NBAS: variants seen among roughly 807,000 people sequenced by gnomAD.
NBAS encodes the protein NBAS subunit of NRZ tethering complex.
NBAS carries 219 observed loss-of-function variants against 302.5 expected under a neutral mutation model. The ratio of observed to expected loss-of-function variants is 0.72; its 90% CI spans 0.65 to 0.81. NBAS has a LOEUF of 0.81. NBAS is among the 30% of genes least tolerant of loss of function. The pLI is 0.00. For synonymous variants in NBAS, 1,118 were observed against 1,021.6 expected (o/e 1.09, Z -1.80); for missense variants, 2,932 against 2,841.6 (o/e 1.03, Z -0.72).
intron 51 of NBAS, among the ~76,000 whole-genome samples, chr2:15,172,691 T>C (rs1664351515): frequency 6.6e-6 from 1 of 152,214 alleles, no homozygotes; most frequent in Admixed American, 6.5e-5. Flanking sequence ...TTAAGGGGCA[T>C]GAGAAAGAAA....
At chr2:15,056,822 CTTTTTTTTTTCT>C in the NBAS span, among the ~76,000 whole-genome samples, 6 of 138,254 alleles carry the variant, frequency 4.3e-5, no homozygotes, top group Admixed American at 1.5e-4. Flanking sequence ...TTTCCCTTTT[CTTTTTTTTTTCT>C]TTTTTTTTTT....
chr2:15,388,775 G>A (rs1420592237), intron 28 of NBAS, among the ~76,000 whole-genome samples: 3 of 152,158 alleles, frequency 2.0e-5, no homozygotes, highest in Non-Finnish European at 2.9e-5. Context: ...AATGAGTTAC[G>A]TTCACAAAAT....
chr2:15,138,412 G>A, the NBAS span, among the ~76,000 whole-genome samples: 2 of 152,156 alleles, frequency 1.3e-5, no homozygotes. Flanking sequence ...TTTAAGCAGA[G>A]AGGTCATGTC....
At chr2:15,105,022 A>G in the NBAS span, among the ~76,000 whole-genome samples, 7 of 152,206 alleles carry the variant, frequency 4.6e-5, no homozygotes, top group Non-Finnish European at 8.8e-5. Context: ...TCCATCAATG[A>G]CAGACTGGAT....
At chr2:15,336,631 G>A (rs745879198) in intron 35 of NBAS, among the ~76,000 whole-genome samples, 7 of 152,092 alleles carry the variant, frequency 4.6e-5, no homozygotes, top group Non-Finnish European at 1.0e-4. Context: ...TCCGGAGCCT[G>A]AAGCAGGAGA....
intron 19 of NBAS, among the ~76,000 whole-genome samples, chr2:15,462,587 A>T (rs1679551660): frequency 1.3e-5 from 2 of 150,738 alleles, no homozygotes; most frequent in Non-Finnish European, 3.0e-5. Flanking sequence ...ATTTGCTGAG[A>T]CAGGAAAGAG....
the NBAS span, among the ~76,000 whole-genome samples, chr2:15,122,134 G>GT: frequency 0.15 from 21,746 of 145,000 alleles, 3,008 homozygotes; most frequent in African/African-American, 0.35. Context: ...CCGTTAGCCT[G>GT]TTTTTTTTTT....
At chr2:15,415,503 G>A in intron 25 of NBAS, 43 bp downstream of exon 25, 2 of 1,558,560 alleles carry the variant, frequency 1.3e-6, no homozygotes, top group Middle Eastern at 3.5e-4. Flanking sequence ...AATACTGTAG[G>A]GGAAAAAGTG....
the NBAS span, among the ~76,000 whole-genome samples, chr2:14,780,448 T>G: frequency 6.6e-6 from 1 of 152,228 alleles, no homozygotes; most frequent in Non-Finnish European, 1.5e-5. Flanking sequence ...AAATTAGGCC[T>G]TCATTTGATT....
the NBAS span, among the ~76,000 whole-genome samples, chr2:14,792,997 A>G: frequency 6.6e-6 from 1 of 152,078 alleles, no homozygotes; most frequent in Non-Finnish European, 1.5e-5. Flanking sequence ...TAGGGCCTTG[A>G]TCTGATAATA....
the NBAS span, among the ~76,000 whole-genome samples, chr2:15,068,722 T>C: frequency 4.5e-3 from 684 of 152,320 alleles, 8 homozygotes; most frequent in Non-Finnish European, 3.7e-3. Context: ...GGCAGCACCA[T>C]CCAAAAACCA....
At chr2:15,041,755 A>G in the NBAS span, among the ~76,000 whole-genome samples, 1 of 152,250 alleles carries the variant, frequency 6.6e-6, no homozygotes, top group African/African-American at 2.4e-5. Flanking sequence ...GCTTGTTTCC[A>G]TAGCATCTGG....
chr2:15,306,253 A>G (rs1236629540), intron 40 of NBAS, among the ~76,000 whole-genome samples: 1 of 152,214 alleles, frequency 6.6e-6, no homozygotes, highest in African/African-American at 2.4e-5. Context: ...AAGTTATATA[A>G]AATAAGTATC....
At chr2:14,984,883 A>G in the NBAS span, among the ~76,000 whole-genome samples, 4 of 152,172 alleles carry the variant, frequency 2.6e-5, no homozygotes, top group Non-Finnish European at 5.9e-5. Flanking sequence ...AGCCTGTGAG[A>G]TGCCTCAGAG....
chr2:15,149,801 T>C, the NBAS span, among the ~76,000 whole-genome samples: 1 of 152,210 alleles, frequency 6.6e-6, no homozygotes, highest in African/African-American at 2.4e-5. Context: ...CTCTTGATTT[T>C]TGACAAACTT....
the NBAS span, among the ~76,000 whole-genome samples, chr2:14,801,555 T>C: frequency 6.6e-6 from 1 of 152,174 alleles, no homozygotes. Flanking sequence ...TTCCTTTGGC[T>C]CCTTGAATAT....
At chr2:14,858,609 T>C in the NBAS span, among the ~76,000 whole-genome samples, 2 of 146,984 alleles carry the variant, frequency 1.4e-5, no homozygotes, top group African/African-American at 5.4e-5. Flanking sequence ...GAGGTAAATA[T>C]TGAAATAATT....
chr2:15,440,201 C>T (rs1490869895), intron 21 of NBAS, among the ~76,000 whole-genome samples: 3 of 152,318 alleles, frequency 2.0e-5, no homozygotes, highest in Admixed American at 6.5e-5. Context: ...GGCAGACTGC[C>T]TCCTCAAGTG....
intron 10 of NBAS, 50 bp from the exon 11 acceptor site, chr2:15,504,263 GT>G (rs1558395937): frequency 1.5e-6 from 2 of 1,377,642 alleles, no homozygotes; most frequent in African/African-American, 1.4e-5. Context: ...ATGACTTATC[GT>G]TGTAAAATGT....
Sources: gnomAD v4.1 joint callset for allele counts (sites outside exome capture counted in the v4.1 genomes callset) on GRCh38, gnomAD v4.1.1 for gene constraint, MANE v1.5 for transcripts, NCBI Gene and HGNC (gene_info 2026-07-23, HGNC 2026-07-21) for gene names.